Variants in TTLL9 observed in about 807,000 individuals in gnomAD.
The protein encoded by TTLL9 is tubulin tyrosine ligase like 9.
In TTLL9, 47 loss-of-function variants were observed where a neutral mutation model predicts 65.6. That is an observed-to-expected ratio of 0.72 (90% confidence interval 0.57 to 0.91). The LOEUF is 0.91. TTLL9 is among the 40% of genes least tolerant of loss of function. The pLI, the probability that TTLL9 is intolerant of heterozygous loss-of-function variation, is 0.00. For missense variants in TTLL9, 537 were observed against 568.8 expected (o/e 0.94, Z 0.57); for synonymous variants, 179 against 204.8 (o/e 0.87, Z 1.07).
At chr20:31,919,792 C>A in intron 6 of TTLL9, 72 bp from the exon 7 acceptor site, 1 of 1,257,342 alleles carries the variant, frequency 8.0e-7, no homozygotes, top group Non-Finnish European at 1.1e-6. Flanking sequence ...CTGGGGAGAG[C>A]CCCCAGCCAC....
intron 8 of TTLL9, 45 bp from the exon 9 acceptor site, chr20:31,924,964 C>G: frequency 1.2e-6 from 2 of 1,608,186 alleles, no homozygotes; most frequent in Non-Finnish European, 1.7e-6. Context: ...CAATGTCTGA[C>G]GATCAATATT....
At chr20:31,891,642 T>C (rs1368279493) in intron 3 of TTLL9, among the ~76,000 whole-genome samples, 1 of 147,482 alleles carries the variant, frequency 6.8e-6, no homozygotes, top group Admixed American at 6.8e-5. Context: ...GCCCAGCCTA[T>C]TTGATATTTT....
chr20:31,876,427 C>T (rs2063038657), intron 2 of TTLL9, among the ~76,000 whole-genome samples: 1 of 152,152 alleles, frequency 6.6e-6, no homozygotes, highest in African/African-American at 2.4e-5. Flanking sequence ...GCCTGGGTGA[C>T]AAGAGCAAAA....
intron 14 of TTLL9, among the ~76,000 whole-genome samples, chr20:31,942,145 T>C (rs2064221326): frequency 6.6e-6 from 1 of 152,084 alleles, no homozygotes; most frequent in Admixed American, 6.5e-5. Flanking sequence ...TTTGGGGGGA[T>C]GTGGAAGATG....
Position 31,937,445 on chromosome 20 carries a change from GA to G in TTLL9, c.1056del (p.Asp353ThrfsTer57), listed in dbSNP as rs1488618405. On this transcript the variant is annotated frameshift_variant, in exon 13 of 15. Transcript: ENST00000535842. LOFTEE classifies it high-confidence loss of function. ...ASPSLTASSQEDYELKTCLLE... is the reference protein window; with the variant it reads ...ASPSLTASSQXDYELKTCLLE... ...CCCATCACTGACAGCCAGCAGCCAG[GA>G]AGACTATGAGCTCAAGACCTGCCTC... 3 of 1,613,940 alleles carry G rather than the reference GA, an allele frequency of 1.9e-6. No homozygotes were observed. The highest frequency in any genetic ancestry group is 2.5e-6 in the Non-Finnish European group (3 of 1,179,912).
chr20:31,924,581 G>GT lies in TTLL9; in HGVS notation c.665-420dup, dbSNP rs1248257945. 4.7e-5 allele frequency among the ~76,000 whole-genome samples: 7 copies of GT among 148,676 alleles called. No homozygotes were observed. In the East Asian group the frequency reaches 5.9e-4, roughly 13 times the overall value. On this transcript the variant is annotated intron_variant, in intron 8 of 14. Coordinates refer to ENST00000535842, the MANE Select transcript of TTLL9 (RefSeq NM_001008409.5). ...ATTATTCTCTCTTTATACCTTGTGC[G>GT]TTTTTTTTGTTGTGTTTTTTTGAGA...
chr20:31,906,181 C>T (rs1883506), intron 4 of TTLL9, among the ~76,000 whole-genome samples: 39,931 of 151,982 alleles, frequency 0.26, 5,475 homozygotes, highest in South Asian at 0.38. Flanking sequence ...TTGCATTAGG[C>T]GCGGGGCTCC....
intron 3 of TTLL9, among the ~76,000 whole-genome samples, chr20:31,888,219 A>G (rs930257380): frequency 1.2e-4 from 19 of 152,116 alleles, no homozygotes; most frequent in East Asian, 5.8e-4. Flanking sequence ...CCTCCTGGCT[A>G]TACTACCACT....
intron 10 of TTLL9, among the ~76,000 whole-genome samples, chr20:31,929,981 A>G (rs575123277): frequency 1.1e-4 from 17 of 152,120 alleles, no homozygotes; most frequent in Non-Finnish European, 2.4e-4. Flanking sequence ...TACAAAAATT[A>G]GCCAGGCATG....
At chr20:31,878,193 T>C (rs2123373656) in intron 2 of TTLL9, among the ~76,000 whole-genome samples, 1 of 152,380 alleles carries the variant, frequency 6.6e-6, no homozygotes, top group South Asian at 2.1e-4. Flanking sequence ...GAGTCATTTT[T>C]GGATTGATTT....
chr20:31,938,179 C>A (rs1378445005), intron 13 of TTLL9: 6 of 453,300 alleles, frequency 1.3e-5, no homozygotes, highest in African/African-American at 1.0e-4. Flanking sequence ...ATTATTCCAG[C>A]AGAAGTTTGA....
chr20:31,914,300 T>G (rs2063700562), intron 6 of TTLL9, among the ~76,000 whole-genome samples: 1 of 152,232 alleles, frequency 6.6e-6, no homozygotes, highest in East Asian at 1.9e-4. Context: ...TTTTATGCCA[T>G]GGGCCTCTTT....
At chr20:31,907,115 G>T (rs975071431) in intron 4 of TTLL9, among the ~76,000 whole-genome samples, 1 of 152,200 alleles carries the variant, frequency 6.6e-6, no homozygotes, top group South Asian at 2.1e-4. Flanking sequence ...GACAGGAGGG[G>T]TTCTAACCAC....
chr20:31,880,119 C>T (rs1331956318), intron 2 of TTLL9, among the ~76,000 whole-genome samples: 2 of 152,116 alleles, frequency 1.3e-5, no homozygotes, highest in Non-Finnish European at 2.9e-5. Context: ...TGCACCGCGC[C>T]GCCCAAGCTG....
chr20:31,899,276 C>A (rs1319355084), intron 4 of TTLL9, among the ~76,000 whole-genome samples: 3 of 152,172 alleles, frequency 2.0e-5, no homozygotes, highest in Non-Finnish European at 4.4e-5. Context: ...TTTTCATAGT[C>A]CAAGGTAGAG....
rs1450909235 is a variant in TTLL9, at chr20:31,873,680, G to GAC, written c.69+2486_69+2487insCA. Among the ~76,000 whole-genome samples the GAC allele has an allele frequency of 6.0e-4, 60 of 100,386 alleles. 1 individual carries two copies. The South Asian group carries it at 6.9e-3, about 12-fold the overall frequency. 65.9% of individuals were successfully genotyped at this position (100,386 alleles called of 152,430 possible). On this transcript the variant is annotated intron_variant, in intron 2 of 14. Coordinates refer to ENST00000535842, the MANE Select transcript of TTLL9 (RefSeq NM_001008409.5). ...AAGACAAAAGAAAGAAAGAAAGAGAGAGAGAGAAAGAAAGAAAGAAAGAAA... is the reference window on the plus strand; with the variant it reads ...AAGACAAAAGAAAGAAAGAAAGAGAGACAGAGAGAAAGAAAGAAAGAAAGAAA...
intron 5 of TTLL9, 151 bp downstream of exon 5, chr20:31,908,853 C>A (rs2063600569): frequency 1.5e-6 from 1 of 679,672 alleles, no homozygotes; most frequent in Non-Finnish European, 2.6e-6. Context: ...TATGGAGAGC[C>A]AAATGGTTTC....
intron 4 of TTLL9, among the ~76,000 whole-genome samples, chr20:31,905,323 C>A (rs2063538461): frequency 6.6e-6 from 1 of 152,090 alleles, no homozygotes; most frequent in Non-Finnish European, 1.5e-5. Flanking sequence ...GATCCACACG[C>A]CTCGGCCTCC....
chr20:31,894,754 C>T (rs200787299), intron 3 of TTLL9, among the ~76,000 whole-genome samples: 1 of 127,600 alleles, frequency 7.8e-6, no homozygotes, highest in African/African-American at 3.3e-5. Flanking sequence ...CATACGTACA[C>T]ACACTTTATA....
Sources: allele counts gnomAD v4.1 joint callset (sites outside exome capture counted in the v4.1 genomes callset), GRCh38; gene constraint gnomAD v4.1.1; transcripts MANE v1.5; gene names NCBI Gene and HGNC (gene_info 2026-07-23, HGNC 2026-07-21).